Variants in CNNM1 observed in about 807,000 individuals in gnomAD.
The protein encoded by CNNM1 is cyclin and CBS domain divalent metal cation transport mediator 1, also known as metal transporter CNNM1.
CNNM1 carries 44 observed loss-of-function variants against 78.8 expected under a neutral mutation model. That is an observed-to-expected ratio of 0.56 (90% confidence interval 0.44 to 0.72). The LOEUF (loss-of-function observed/expected upper bound fraction) is 0.72. Among genes scored for constraint, CNNM1 ranks in the 30% least tolerant of loss-of-function variants. CNNM1 has a pLI of 0.00. For missense variants in CNNM1, 1,101 were observed against 1,292.2 expected (o/e 0.85, Z 2.27); for synonymous variants, 584 against 581.5 (o/e 1.00, Z -0.06).
At chr10:99,353,097 C>T (rs569714658) in intron 1 of CNNM1, among the ~76,000 whole-genome samples, 6 of 152,036 alleles carry the variant, frequency 3.9e-5, no homozygotes, top group Non-Finnish European at 2.9e-5. Flanking sequence ...TGTTAAGCAT[C>T]TTTTCATGTG....
At chr10:99,352,328 C>G (rs1356750671) in intron 1 of CNNM1, among the ~76,000 whole-genome samples, 1 of 152,178 alleles carries the variant, frequency 6.6e-6, no homozygotes, top group African/African-American at 2.4e-5. Flanking sequence ...AGGTTAATAT[C>G]CAATTGTATT....
At chr10:99,339,810 AG>A (rs1478833434) in intron 1 of CNNM1, among the ~76,000 whole-genome samples, 1 of 152,222 alleles carries the variant, frequency 6.6e-6, no homozygotes, top group African/African-American at 2.4e-5. Context: ...CCAAAATGCC[AG>A]TGGTTTACTT....
Position 99,391,657 on chromosome 10 carries a change from T to C in CNNM1, c.*141T>C. Reference sequence around the variant, plus strand: ...TCCCTTCCATCTCTTCACCCCTAGCTGTCAGTTTGGCAGATTTTCCCTCGT... The same window carrying C: ...TCCCTTCCATCTCTTCACCCCTAGCCGTCAGTTTGGCAGATTTTCCCTCGT... On this transcript the variant is annotated 3_prime_UTR_variant, in exon 11 of 11. Transcript: ENST00000356713. 2.9e-6 allele frequency: 2 copies of C among 690,618 alleles called. No individual in the cohort carries two copies. Among genetic ancestry groups the C allele is most frequent in the Non-Finnish European group, 2.4e-6 (1 of 409,668 alleles). 42.8% of individuals were successfully genotyped at this position (690,618 alleles called of 1,614,324 possible).
chr10:99,377,907 G>A (rs1056448579), intron 7 of CNNM1, among the ~76,000 whole-genome samples: 1 of 151,620 alleles, frequency 6.6e-6, no homozygotes, highest in East Asian at 1.9e-4. Context: ...ACTGGGATTG[G>A]CATTGCACAG....
At chr10:99,333,429 C>G (rs2030021121) in intron 1 of CNNM1, among the ~76,000 whole-genome samples, 1 of 152,226 alleles carries the variant, frequency 6.6e-6, no homozygotes, top group Admixed American at 6.5e-5. Flanking sequence ...ACTACAAACT[C>G]TGTCTCCTGG....
At chr10:99,336,166 T>G (rs768412659) in intron 1 of CNNM1, among the ~76,000 whole-genome samples, 9 of 152,214 alleles carry the variant, frequency 5.9e-5, no homozygotes, top group Non-Finnish European at 8.8e-5. Flanking sequence ...CCCATAAGAT[T>G]ACATTGGAGC....
At chr10:99,337,906 T>C (rs1478917229) in intron 1 of CNNM1, among the ~76,000 whole-genome samples, 1 of 152,230 alleles carries the variant, frequency 6.6e-6, no homozygotes, top group South Asian at 2.1e-4. Context: ...ATCAAACTTA[T>C]AAGTTTGTTA....
chr10:99,341,233 AG>A (rs1263303860), intron 1 of CNNM1, among the ~76,000 whole-genome samples: 3 of 152,046 alleles, frequency 2.0e-5, no homozygotes, highest in Non-Finnish European at 2.9e-5. Flanking sequence ...GCCCTGAGGA[AG>A]GAGGGCCAGC....
intron 1 of CNNM1, among the ~76,000 whole-genome samples, chr10:99,341,163 C>T (rs906135893): frequency 3.9e-5 from 6 of 152,092 alleles, no homozygotes; most frequent in African/African-American, 9.7e-5. Context: ...TCCTAAAGAA[C>T]GGTGAGAAGG....
Position 99,329,721 on chromosome 10 carries a change from C to A in CNNM1, c.334C>A (p.Pro112Thr). The A allele has an allele frequency of 6.6e-7, 1 of 1,524,412 alleles. No homozygotes were observed. Among genetic ancestry groups the A allele is most frequent in the East Asian group, 2.6e-5 (1 of 38,026 alleles). The allele number at this position is 1,524,412 out of a possible 1,614,324, so 94.4% of individuals were successfully genotyped here. A position where few individuals can be genotyped will look rare whatever the true frequency, so the allele number is the denominator to read the frequency against. Residue 112 changes from proline (P) to threonine (T), a missense_variant, in exon 1 of 11, where the codon CCC becomes ACC. By Grantham distance (38) the Pro-to-Thr change is conservative. This residue lies in a region of CNNM1 where 476 missense variants were observed against 484.5 expected (regional missense o/e 0.98). Transcript: ENST00000356713. ...WAPRLVFIEE[P>T]PGGGGVAPSA... ...TCCGCGGCTCGTGTTCATCGAGGAG[C>A]CCCCGGGCGGTGGCGGCGTGGCCCC...
intron 7 of CNNM1, among the ~76,000 whole-genome samples, chr10:99,384,383 C>G (rs2032245818): frequency 6.6e-6 from 1 of 152,100 alleles, no homozygotes; most frequent in South Asian, 2.1e-4. Flanking sequence ...TGAAAGAAAG[C>G]AAGGCTGTTA....
In CNNM1 at chr10:99,362,233, A is replaced by T; in HGVS notation, c.1865A>T (p.Glu622Val). The change falls in exon 4 of 11, where the codon GAG becomes GTG. Residue 622 changes from glutamate to valine, a missense_variant. By Grantham distance (121) the Glu-to-Val change is moderately radical. Transcript: ENST00000356713. ...ATHRFMATEV[E>V]PFKSLYLSEK... ...CCCACTCACTCTCCTCTAGAAGTGG[A>T]GCCCTTTAAGTCTCTGTACCTTTCG... is the stretch of plus-strand genomic sequence containing the variant. 1 of 1,609,904 alleles carries T rather than the reference A, an allele frequency of 6.2e-7. No individual in the cohort carries two copies. The highest frequency in any genetic ancestry group is 1.1e-5 in the South Asian group (1 of 90,360).
In CNNM1 at chr10:99,340,761, TTCTC is replaced by T. The variant is rs368409740; in HGVS notation, c.1573+9809_1573+9812del. ...CCCTCCCTCTCTCTTCTTTCTTTCT[TTCTC>T]TCTCTCTTTCCTTCTTTCTTTTCTT... On this transcript the variant is annotated intron_variant, in intron 1 of 10. Coordinates refer to ENST00000356713, the MANE Select transcript of CNNM1 (RefSeq NM_020348.3). 5.3e-3 allele frequency among the ~76,000 whole-genome samples: 789 copies of T among 147,780 alleles called. 8 individuals are homozygous for T. The highest frequency in any genetic ancestry group is 0.018 in the African/African-American group (732 of 39,920).
In CNNM1 at chr10:99,329,384, C is replaced by G. The variant is rs565573795; in HGVS notation, c.-4C>G. On this transcript the variant is annotated 5_prime_UTR_variant, in exon 1 of 11. Transcript: ENST00000356713. ...GTATCACGTGCAGCTGCGCTGGGTG[C>G]AGGATGGCGGCGGCCGCGGCGGCGG... 1.0e-5 allele frequency: 7 copies of G among 669,650 alleles called. No homozygotes were observed. In the African/African-American group the frequency reaches 1.3e-4, roughly 13 times the overall value. 41.5% of individuals were successfully genotyped at this position (669,650 alleles called of 1,614,324 possible).
Position 99,362,403 on chromosome 10 carries a change from A to T in CNNM1, c.2028+7A>T, listed in dbSNP as rs771929003. ...CTTTGTGCTGCTTCTACAGGTGAGT[A>T]GGAAAGTCAGGGAACCTCTGAGAGC... On this transcript the variant is annotated splice_region_variant and intron_variant, in intron 4 of 10. Transcript: ENST00000356713. The T allele has an allele frequency of 6.2e-7, 1 of 1,606,758 alleles. No homozygotes were observed. Among genetic ancestry groups the T allele is most frequent in the South Asian group, 1.1e-5 (1 of 90,096 alleles).
chr10:99,337,987 A>G (rs1325592859), intron 1 of CNNM1, among the ~76,000 whole-genome samples: 1 of 152,226 alleles, frequency 6.6e-6, no homozygotes, highest in Admixed American at 6.5e-5. Flanking sequence ...ATTTATTACA[A>G]CAATTTCTTT....
chr10:99,339,664 G>C (rs1275965437), intron 1 of CNNM1, among the ~76,000 whole-genome samples: 1 of 152,132 alleles, frequency 6.6e-6, no homozygotes, highest in Non-Finnish European at 1.5e-5. Flanking sequence ...CTAGTTCATG[G>C]AAAAATCATC....
In CNNM1 at chr10:99,389,416, CAAAAAAAAAA is replaced by C. The variant is rs56180037; in HGVS notation, c.2675-876_2675-867del. ...TGGGTGACAGAGTGAGATTCCATCTCAAAAAAAAAAAAAAAAAAAAAAATTTAAAGTCAAC... is the reference window on the plus strand; with the variant it reads ...TGGGTGACAGAGTGAGATTCCATCTCAAAAAAAAAAAAATTTAAAGTCAAC... On this transcript the variant is annotated intron_variant, in intron 9 of 10. Transcript: ENST00000356713. Among the ~76,000 whole-genome samples the C allele has an allele frequency of 4.8e-5, 4 of 83,994 alleles. No individual in the cohort carries two copies. In the East Asian group the frequency reaches 9.8e-4, roughly 20 times the overall value. 55.1% of individuals were successfully genotyped at this position (83,994 alleles called of 152,430 possible).
intron 1 of CNNM1, among the ~76,000 whole-genome samples, chr10:99,344,087 C>T (rs1392738475): frequency 6.7e-6 from 1 of 149,186 alleles, no homozygotes; most frequent in Admixed American, 6.7e-5. Context: ...AATCCCAGCA[C>T]TTTGGGAGGC....
Sources: allele counts gnomAD v4.1 joint callset (sites outside exome capture counted in the v4.1 genomes callset), GRCh38; gene constraint gnomAD v4.1.1; regional missense constraint gnomAD v4.1.1; transcripts MANE v1.5; gene names NCBI Gene and HGNC (gene_info 2026-07-23, HGNC 2026-07-21).